Variants in PCDHA7 observed in about 807,000 individuals in gnomAD.
PCDHA7 encodes protocadherin alpha-7.
In PCDHA7, 37 loss-of-function variants were observed where a neutral mutation model predicts 57.2. The ratio of observed to expected loss-of-function variants is 0.65; its 90% CI spans 0.50 to 0.85. The LOEUF is 0.85. PCDHA7 is among the 40% of genes least tolerant of loss of function. The pLI, the probability that PCDHA7 is intolerant of heterozygous loss-of-function variation, is 0.00. For missense variants in PCDHA7, 1,188 were observed against 1,241.8 expected, an observed-to-expected ratio of 0.96 and a Z score of 0.65; for synonymous variants, 553 against 558.8, an observed-to-expected ratio of 0.99 and a Z score of 0.15.
At position 140,835,912 on chromosome 5, in the gene PCDHA7, T is replaced by C. The variant is rs2150248212; in HGVS notation, c.1529T>C (p.Val510Ala). ...GERALSSYVS[V>A]HAESGKVYAL... ...CGCGCGCTGTCGAGCTACGTGTCAG[T>C]GCACGCGGAGAGCGGCAAGGTGTAC... Residue 510 changes from valine (V) to alanine (A), a missense_variant, in exon 1 of 4, where the codon GTG becomes GCG. By Grantham distance (64) the Val-to-Ala change is moderately conservative (BLOSUM62 0). Around this residue, in one of 3 missense-constraint regions of PCDHA7, gnomAD observed 892 missense variants for 788.5 expected, o/e 1.13. Coordinates refer to ENST00000525929, the MANE Select transcript of PCDHA7 (RefSeq NM_018910.3). 1.9e-5 allele frequency: 30 copies of C among 1,612,232 alleles called. 1 individual carries two copies. In the South Asian group the frequency reaches 2.6e-4, roughly 14 times the overall value.
chr5:140,967,386 T>TA, intron 1 of PCDHA7: 1 of 1,609,114 alleles, frequency 6.2e-7, no homozygotes, highest in Non-Finnish European at 8.5e-7. Context: ...AGTAAAGTGC[T>TA]TGAGCTGGTG....
chr5:140,899,123 A>T (rs1190536862), intron 1 of PCDHA7, among the ~76,000 whole-genome samples: 6 of 152,240 alleles, frequency 3.9e-5, no homozygotes, highest in Non-Finnish European at 7.3e-5. Flanking sequence ...ATATACAATC[A>T]TGTCTTCTGC....
intron 1 of PCDHA7, among the ~76,000 whole-genome samples, chr5:140,839,899 GAAGT>G (rs1776458768): frequency 6.6e-6 from 1 of 152,000 alleles, no homozygotes; most frequent in African/African-American, 2.4e-5. Flanking sequence ...AGAAAAAGAT[GAAGT>G]AATAGAAGAA....
chr5:140,995,918 G>A (rs1303145667), intron 3 of PCDHA7, among the ~76,000 whole-genome samples: 1 of 152,180 alleles, frequency 6.6e-6, no homozygotes, highest in Non-Finnish European at 1.5e-5. Flanking sequence ...GAGACCATAG[G>A]CTGTTGTAAG....
At chr5:140,924,244 C>G (rs1375839311) in intron 1 of PCDHA7, among the ~76,000 whole-genome samples, 1 of 152,152 alleles carries the variant, frequency 6.6e-6, no homozygotes, top group Non-Finnish European at 1.5e-5. Context: ...TGTTTTGCAT[C>G]CTGGTGAGAT....
chr5:140,999,459 T>C (rs2097858774), intron 3 of PCDHA7, among the ~76,000 whole-genome samples: 1 of 152,138 alleles, frequency 6.6e-6, no homozygotes, highest in Non-Finnish European at 1.5e-5. Flanking sequence ...AACGAATAAG[T>C]GGTGAAGCAG....
At chr5:140,997,967 G>A (rs1275111362) in intron 3 of PCDHA7, among the ~76,000 whole-genome samples, 1 of 152,104 alleles carries the variant, frequency 6.6e-6, no homozygotes, top group African/African-American at 2.4e-5. Flanking sequence ...CGTACCTGTG[G>A]TTGGACTGCA....
At chr5:140,913,734 A>C (rs1408251545) in intron 1 of PCDHA7, among the ~76,000 whole-genome samples, 1 of 152,070 alleles carries the variant, frequency 6.6e-6, no homozygotes, top group African/African-American at 2.4e-5. Context: ...TCCCTCTAAT[A>C]GTACTCCTTT....
At chr5:140,988,672 G>A (rs1269904309) in intron 3 of PCDHA7, among the ~76,000 whole-genome samples, 1 of 152,180 alleles carries the variant, frequency 6.6e-6, no homozygotes, top group Non-Finnish European at 1.5e-5. Context: ...TAGACTCTAA[G>A]ATAATTCTTT....
At chr5:140,937,911 CAAA>C (rs200797202) in intron 1 of PCDHA7, among the ~76,000 whole-genome samples, 2 of 117,898 alleles carry the variant, frequency 1.7e-5, no homozygotes, top group Non-Finnish European at 1.9e-5. Context: ...GACTCCGTCT[CAAA>C]AAAAAAAAAA....
intron 1 of PCDHA7, chr5:140,876,840 G>C: frequency 6.2e-7 from 1 of 1,614,166 alleles, no homozygotes; most frequent in Non-Finnish European, 8.5e-7. Flanking sequence ...CTGCGTTCGC[G>C]CAGCCCGAGT....
intron 1 of PCDHA7, among the ~76,000 whole-genome samples, chr5:140,878,943 T>C (rs968532854): frequency 6.6e-6 from 1 of 152,220 alleles, no homozygotes; most frequent in Non-Finnish European, 1.5e-5. Context: ...AATAAATATA[T>C]GGTATTGAAA....
At chr5:140,929,400 A>G (rs915139377) in intron 1 of PCDHA7, 5 of 1,509,110 alleles carry the variant, frequency 3.3e-6, no homozygotes, top group African/African-American at 2.8e-5. Flanking sequence ...TATTTCTTAG[A>G]CAAGCCTTTC....
At chr5:140,972,660 A>ATTTTTTTTTTTTTTTTTTTTTTTTTT (rs11350929) in intron 1 of PCDHA7, among the ~76,000 whole-genome samples, 1 of 117,268 alleles carries the variant, frequency 8.5e-6, no homozygotes, top group Non-Finnish European at 1.7e-5. Context: ...AAGAAACCAA[A>ATTTTTTTTTTTTTTTTTTTTTTTTTT]TTTTTTTTTT....
chr5:140,864,600 C>G (rs1159658217), intron 1 of PCDHA7: 3 of 152,164 alleles, frequency 2.0e-5, no homozygotes, highest in African/African-American at 7.2e-5. Flanking sequence ...TTCAGATAGC[C>G]AACAACTTTG....
chr5:140,965,794 C>T (rs1554227851), intron 1 of PCDHA7, among the ~76,000 whole-genome samples: 1 of 152,170 alleles, frequency 6.6e-6, no homozygotes, highest in Non-Finnish European at 1.5e-5. Flanking sequence ...TTCATGGAGA[C>T]TATTTTTTTA....
At chr5:140,837,445 G>A (rs1228498805) in intron 1 of PCDHA7, among the ~76,000 whole-genome samples, 1 of 151,888 alleles carries the variant, frequency 6.6e-6, no homozygotes, top group Non-Finnish European at 1.5e-5. Context: ...CTAGTACGTA[G>A]TAAAAAATCT....
intron 1 of PCDHA7, chr5:140,861,554 C>A (rs1023234694): frequency 1.8e-5 from 7 of 398,878 alleles, no homozygotes; most frequent in Non-Finnish European, 2.6e-5. Flanking sequence ...TGGAAGTGAT[C>A]GTGGACAAGC....
chr5:140,869,175 G>A, intron 1 of PCDHA7: 1 of 1,613,976 alleles, frequency 6.2e-7, no homozygotes, highest in East Asian at 2.2e-5. Context: ...TCGAATTCTG[G>A]GAGGTGGGGA....
Sources: gnomAD v4.1 joint callset for allele counts (sites outside exome capture counted in the v4.1 genomes callset) on GRCh38, gnomAD v4.1.1 for gene constraint, gnomAD v4.1.1 regional missense constraint, MANE v1.5 for transcripts, NCBI Gene and HGNC (gene_info 2026-07-23, HGNC 2026-07-21) for gene names.